Variants in ADAMTSL1 observed in about 807,000 individuals in gnomAD.
The protein encoded by ADAMTSL1 is ADAMTS-like protein 1.
Under a neutral mutation model 201.8 loss-of-function variants are expected in ADAMTSL1, and 126 were observed. The observed-to-expected ratio is 0.62, with a 90% CI of 0.54 to 0.72. The LOEUF is 0.72. Ranked by LOEUF, ADAMTSL1 falls within the 30% of genes least tolerant of loss-of-function variation. The probability of loss-of-function intolerance (pLI) is 0.00; values close to 1 mark genes in which losing one functional copy is unlikely to be tolerated. For missense variants in ADAMTSL1, 2,679 were observed against 2,277.8 expected, an observed-to-expected ratio of 1.18 and a Z score of -3.59; for synonymous variants, 1,121 against 903.4, an observed-to-expected ratio of 1.24 and a Z score of -4.32.
At chr9:18,344,849 G>C (rs1356360639) in intron 2 of ADAMTSL1, among the ~76,000 whole-genome samples, 1 of 152,126 alleles carries the variant, frequency 6.6e-6, no homozygotes, top group Admixed American at 6.6e-5. Context: ...TTTGAGTTCA[G>C]AACCCATGGG....
At chr9:18,617,810 C>T (rs80253881) in intron 4 of ADAMTSL1, among the ~76,000 whole-genome samples, 15,696 of 151,982 alleles carry the variant, frequency 0.1, 887 homozygotes, top group Middle Eastern at 0.18. Flanking sequence ...TTTTTTGTTA[C>T]CTGAGATTAA....
chr9:18,444,437 C>T (rs1820112491), intron 2 of ADAMTSL1, among the ~76,000 whole-genome samples: 2 of 152,064 alleles, frequency 1.3e-5, no homozygotes, highest in Admixed American at 6.6e-5. Flanking sequence ...TTCCAAAATT[C>T]ATGGTTCTCC....
intron 2 of ADAMTSL1, among the ~76,000 whole-genome samples, chr9:18,194,549 A>G (rs1829097030): frequency 6.6e-6 from 1 of 152,048 alleles, no homozygotes; most frequent in Non-Finnish European, 1.5e-5. Flanking sequence ...CATTCTCTTC[A>G]GGGAGAATGA....
intron 4 of ADAMTSL1, among the ~76,000 whole-genome samples, chr9:18,591,947 C>T (rs1823941666): frequency 6.6e-6 from 1 of 152,186 alleles, no homozygotes; most frequent in Non-Finnish European, 1.5e-5. Flanking sequence ...TGAGGCAAAA[C>T]TTATAGCCCA....
intron 19 of ADAMTSL1, among the ~76,000 whole-genome samples, chr9:18,782,225 A>G (rs957734004): frequency 6.6e-6 from 1 of 152,260 alleles, no homozygotes; most frequent in African/African-American, 2.4e-5. Flanking sequence ...ATGCAGTATT[A>G]TAAGTGCTAA....
chr9:18,314,469 G>T (rs1056045056), intron 2 of ADAMTSL1, among the ~76,000 whole-genome samples: 1 of 151,944 alleles, frequency 6.6e-6, no homozygotes, highest in Admixed American at 6.5e-5. Flanking sequence ...GCATACTTTC[G>T]CGGTGAGTGT....
At chr9:18,603,396 CTAT>C (rs1349031678) in intron 4 of ADAMTSL1, among the ~76,000 whole-genome samples, 3 of 151,830 alleles carry the variant, frequency 2.0e-5, no homozygotes, top group African/African-American at 7.3e-5. Flanking sequence ...CTATGCTATG[CTAT>C]GCTATGCTAT....
At chr9:18,788,634 C>G (rs75199995) in intron 19 of ADAMTSL1, among the ~76,000 whole-genome samples, 1,812 of 152,266 alleles carry the variant, frequency 0.012, 30 homozygotes, top group African/African-American at 0.035. Flanking sequence ...CCTATAAATA[C>G]TAGCACCCGC....
At chr9:17,946,789 G>A (rs1261683185) in intron 1 of ADAMTSL1, among the ~76,000 whole-genome samples, 1 of 152,084 alleles carries the variant, frequency 6.6e-6, no homozygotes. Context: ...AGGTCTTCCT[G>A]TTTATAAGCT....
Position 18,012,547 on chromosome 9 carries a change from A to G in ADAMTSL1, c.87+105625A>G, listed in dbSNP as rs59515191. Among the ~76,000 whole-genome samples, 1,011 of 152,144 alleles carry G rather than the reference A, an allele frequency of 6.6e-3. 16 individuals carry two copies. The highest frequency in any genetic ancestry group is 0.023 in the African/African-American group (965 of 41,556). On this transcript the variant is annotated intron_variant, in intron 1 of 29. Coordinates refer to the ADAMTSL1 transcript ENST00000680146. ...TGGAGCCCAAGACTCGTACGTGAAC[A>G]TTGCTTTCCAACTACGGAATTTAAA...
At chr9:18,008,705 G>C (rs755982344) in intron 1 of ADAMTSL1, among the ~76,000 whole-genome samples, 2 of 151,850 alleles carry the variant, frequency 1.3e-5, no homozygotes, top group Non-Finnish European at 2.9e-5. Context: ...TTAGCAATTA[G>C]GTGCTCTGGC....
At chr9:18,706,028 G>T (rs555485497) in intron 13 of ADAMTSL1, among the ~76,000 whole-genome samples, 1 of 152,314 alleles carries the variant, frequency 6.6e-6, no homozygotes, top group Admixed American at 6.5e-5. Flanking sequence ...TTAAAGTAAA[G>T]GAATAAAAGG....
chr9:17,978,509 A>C (rs922476318), intron 1 of ADAMTSL1, among the ~76,000 whole-genome samples: 11 of 152,004 alleles, frequency 7.2e-5, no homozygotes, highest in Non-Finnish European at 1.5e-4. Flanking sequence ...AACATCTTAC[A>C]GTTGTAACAC....
At chr9:18,158,460 G>A (rs968417513) in intron 1 of ADAMTSL1, among the ~76,000 whole-genome samples, 3 of 151,854 alleles carry the variant, frequency 2.0e-5, no homozygotes, top group African/African-American at 4.8e-5. Context: ...CCCATTGAGG[G>A]TGGATCTGAA....
chr9:18,846,073 A>G (rs187515594), intron 23 of ADAMTSL1, among the ~76,000 whole-genome samples: 3 of 152,336 alleles, frequency 2.0e-5, no homozygotes, highest in Admixed American at 2.0e-4. Context: ...AAGGACACAC[A>G]GTAAATAAGA....
intron 2 of ADAMTSL1, among the ~76,000 whole-genome samples, chr9:18,460,654 G>C (rs10733354): frequency 0.57 from 85,975 of 152,028 alleles, 24,558 homozygotes; most frequent in African/African-American, 0.62. Context: ...CTATCGCTAC[G>C]CTCAGCTTCT....
rs1381259549 is a variant in ADAMTSL1 at position 18,087,832 on chromosome 9, C to G, written c.88-76030C>G. ...CTTGGTCTTTTGCAATTAAAAGTTG[C>G]AGAACATACAAACAGTATTAGTCAC... is the stretch of plus-strand genomic sequence containing the variant. On this transcript the variant is annotated intron_variant, in intron 1 of 29. Coordinates refer to the ADAMTSL1 transcript ENST00000680146. 3.3e-5 allele frequency among the ~76,000 whole-genome samples: 5 copies of G among 152,140 alleles called. No individual in the cohort carries two copies. The South Asian group carries it at 1.0e-3, about 32-fold the overall frequency.
chr9:17,947,406 G>A (rs1827546257), intron 1 of ADAMTSL1, among the ~76,000 whole-genome samples: 1 of 151,326 alleles, frequency 6.6e-6, no homozygotes, highest in Non-Finnish European at 1.5e-5. Flanking sequence ...GACTATCACA[G>A]TTTGGGCACA....
chr9:18,884,365 GT>G (rs1388134018), intron 23 of ADAMTSL1, among the ~76,000 whole-genome samples: 9 of 152,108 alleles, frequency 5.9e-5, no homozygotes, highest in Admixed American at 5.9e-4. Flanking sequence ...CATTCTGTGA[GT>G]TGCTTTTTCA....
Sources: gnomAD v4.1 joint callset for allele counts (sites outside exome capture counted in the v4.1 genomes callset) on GRCh38, gnomAD v4.1.1 for gene constraint, MANE v1.5 for transcripts, NCBI Gene and HGNC (gene_info 2026-07-23, HGNC 2026-07-21) for gene names.